The following PIWIL2 variants were observed in gnomAD, a reference collection of about 807,000 sequenced individuals.
PIWIL2 encodes the protein piwi-like protein 2.
PIWIL2 carries 81 observed loss-of-function variants against 116.5 expected under a neutral mutation model. The observed-to-expected ratio is 0.70, with a 90% confidence interval of 0.58 to 0.84. PIWIL2 has a LOEUF of 0.84. Among genes scored for constraint, PIWIL2 ranks in the 40% least tolerant of loss-of-function variants. The pLI, the probability that PIWIL2 is intolerant of heterozygous loss-of-function variation, is 0.00. For synonymous variants in PIWIL2, 489 were observed against 429.5 expected (o/e 1.14, Z -1.71); for missense variants, 1,272 against 1,212.3 (o/e 1.05, Z -0.73).
chr8:22,314,376 C>A lies in PIWIL2; in HGVS notation c.2038C>A (p.Leu680Ile). 6.3e-7 allele frequency: 1 copy of A among 1,583,068 alleles called. No homozygotes were observed. Among genetic ancestry groups the A allele is most frequent in the South Asian group, 1.2e-5 (1 of 85,986 alleles). ...CATCATCATGGGCCCACGTGATGAT[C>A]TCTATGGGGCCATCAAGAAGCTGTG... is the stretch of plus-strand genomic sequence containing the variant. The part of the protein sequence containing the change: ...VCIIMGPRDD[L>I]YGAIKKLCCV... Residue 680 changes from leucine (L) to isoleucine (I), a missense_variant, in exon 17 of 23, where the codon CTC (leucine) becomes ATC (isoleucine). Transcript: ENST00000356766.
intron 20 of PIWIL2, among the ~76,000 whole-genome samples, chr8:22,335,178 C>T (rs1485599058): frequency 1.3e-5 from 2 of 150,680 alleles, no homozygotes; most frequent in African/African-American, 2.5e-5. Context: ...ATACAAAATA[C>T]AGAGTAATGG....
chr8:22,298,262 A>G lies in PIWIL2; in HGVS notation c.1182-5759A>G, dbSNP rs548636650. Among the ~76,000 whole-genome samples, 7 of 150,550 alleles carry G rather than the reference A, an allele frequency of 4.6e-5. No homozygotes were observed. The East Asian group carries it at 1.2e-3, about 25-fold the overall frequency. ...GGCCAATGGAGTGAGACCCTATTTAAAAAAAAAAAAGGATAATGGCAAAAA... is the reference window on the plus strand; with the variant it reads ...GGCCAATGGAGTGAGACCCTATTTAGAAAAAAAAAAGGATAATGGCAAAAA... On this transcript the variant is annotated intron_variant, in intron 10 of 22. Coordinates refer to ENST00000356766, the MANE Select transcript of PIWIL2 (RefSeq NM_018068.5).
intron 20 of PIWIL2, among the ~76,000 whole-genome samples, chr8:22,332,666 A>G (rs1168680382): frequency 6.6e-6 from 1 of 152,146 alleles, no homozygotes; most frequent in African/African-American, 2.4e-5. Flanking sequence ...AGCGTAAGCC[A>G]CAAGATAATA....
chr8:22,277,856 T>G (rs1259570632), intron 1 of PIWIL2, among the ~76,000 whole-genome samples: 1 of 152,192 alleles, frequency 6.6e-6, no homozygotes, highest in East Asian at 1.9e-4. Flanking sequence ...AATTTTATGA[T>G]ATGGCTGTGT....
chr8:22,349,797 G>T (rs563325004), intron 20 of PIWIL2, among the ~76,000 whole-genome samples: 24 of 152,328 alleles, frequency 1.6e-4, no homozygotes, highest in Non-Finnish European at 2.5e-4. Flanking sequence ...GCTGGTAAAT[G>T]GGCATGATTC....
At chr8:22,336,913 G>A (rs1442241384) in intron 20 of PIWIL2, among the ~76,000 whole-genome samples, 2 of 152,076 alleles carry the variant, frequency 1.3e-5, no homozygotes, top group East Asian at 1.9e-4. Flanking sequence ...GAATGAGAGC[G>A]GTAACATTGC....
At chr8:22,296,453 G>A (rs1830909801) in intron 10 of PIWIL2, among the ~76,000 whole-genome samples, 1 of 152,146 alleles carries the variant, frequency 6.6e-6, no homozygotes, top group Admixed American at 6.5e-5. Flanking sequence ...GTATTTTCCA[G>A]AAGAAGTATG....
rs372019613 is a variant in PIWIL2, at chr8:22,318,151, C to G, written c.2298-19C>G. 6.7e-7 allele frequency: 1 copy of G among 1,492,282 alleles called. No individual in the cohort carries two copies. The highest frequency in any genetic ancestry group is 1.4e-5 in the African/African-American group (1 of 72,390). The allele number at this position is 1,492,282 out of a possible 1,614,324, so 92.4% of individuals were successfully genotyped here. A position where few individuals can be genotyped will look rare whatever the true frequency, so the allele number is the denominator to read the frequency against. On this transcript the variant is annotated intron_variant, in intron 19 of 22. Coordinates refer to ENST00000356766, the MANE Select transcript of PIWIL2 (RefSeq NM_018068.5). The stretch of plus-strand genomic sequence containing the variant: ...TGTTCATCTTCCTTTCTCTGTCTCT[C>G]TGCTCACCCTGACCCTAGCACCCTC...
chr8:22,278,840 A>G (rs1267897687), intron 1 of PIWIL2, among the ~76,000 whole-genome samples: 2 of 152,158 alleles, frequency 1.3e-5, no homozygotes, highest in Non-Finnish European at 1.5e-5. Context: ...TGAACTTCGC[A>G]TTGGAGGGAT....
chr8:22,318,363 G>A (rs1831516649), intron 20 of PIWIL2, 88 bp downstream of exon 20: 2 of 727,870 alleles, frequency 2.7e-6, no homozygotes, highest in Admixed American at 2.6e-5. Context: ...TGTCGCCCAG[G>A]TTGGAGTGCA....
At chr8:22,353,763 A>ATTTTT (rs1563438535) in intron 21 of PIWIL2, among the ~76,000 whole-genome samples, 1 of 61,554 alleles carries the variant, frequency 1.6e-5, no homozygotes, top group Non-Finnish European at 3.4e-5. Flanking sequence ...AGTTTCTACC[A>ATTTTT]CTTTTTTTTT....
chr8:22,306,078 G>A (rs2132034027), intron 13 of PIWIL2, 62 bp downstream of exon 13: 1 of 1,201,212 alleles, frequency 8.3e-7, no homozygotes, highest in Non-Finnish European at 1.2e-6. Context: ...TTGGTTAACA[G>A]TTTGAGTTAG....
In PIWIL2 at chr8:22,328,695, G is replaced by A. The variant is rs565173340; in HGVS notation, c.2403+10420G>A. 4.3e-4 allele frequency among the ~76,000 whole-genome samples: 65 copies of A among 151,650 alleles called. 1 individual carries two copies. The highest frequency in any genetic ancestry group is 1.6e-3 in the African/African-American group (65 of 41,386). ...CTATTTTATTCTTTTGGATGCTATT[G>A]TAAATGGAATAGTTTTAATTTCATT... On this transcript the variant is annotated intron_variant, in intron 20 of 22. Transcript: ENST00000356766.
chr8:22,337,329 A>G (rs987826090), intron 20 of PIWIL2, among the ~76,000 whole-genome samples: 1 of 152,212 alleles, frequency 6.6e-6, no homozygotes, highest in African/African-American at 2.4e-5. Context: ...TCAGTATATA[A>G]TAATCAGTTG....
intron 10 of PIWIL2, among the ~76,000 whole-genome samples, chr8:22,297,644 A>G (rs1453728085): frequency 1.3e-5 from 2 of 152,188 alleles, no homozygotes; most frequent in African/African-American, 4.8e-5. Context: ...GATTTACAGT[A>G]TGGGAGAGAG....
chr8:22,308,391 G>A (rs373143481), intron 14 of PIWIL2, among the ~76,000 whole-genome samples: 16 of 152,084 alleles, frequency 1.1e-4, no homozygotes, highest in East Asian at 9.7e-4. Context: ...GGTGGCTCAC[G>A]CCTGTAATCC....
chr8:22,279,079 C>T lies in PIWIL2; in HGVS notation c.-46-262C>T, dbSNP rs142509307. 7.2e-5 allele frequency among the ~76,000 whole-genome samples: 11 copies of T among 152,034 alleles called. No homozygotes were observed. In the East Asian group the frequency reaches 2.1e-3, roughly 29 times the overall value. On this transcript the variant is annotated intron_variant, in intron 1 of 22. Transcript: ENST00000356766. ...TTTGAGTCACTCTGAAACCATCCCC[C>T]CACCCCTGGGTCCATGGAAAAATTA...
chr8:22,283,134 A>T lies in PIWIL2; in HGVS notation c.526A>T (p.Thr176Ser). ...EVDKPPCTFS[T>S]PSRGPPQLSS... The stretch of plus-strand genomic sequence containing the variant: ...GGACAAGCCTCCCTGTACCTTCAGC[A>T]CACCGTCCCGGGGTCCCCCGCAGCT... Residue 176 changes from threonine (T) to serine (S), a missense_variant, in exon 5 of 23, where the codon ACA becomes TCA. Transcript: ENST00000356766. The T allele has an allele frequency of 6.2e-7, 1 of 1,614,136 alleles. No homozygotes were observed. Among genetic ancestry groups the T allele is most frequent in the Non-Finnish European group, 8.5e-7 (1 of 1,180,012 alleles).
chr8:22,339,693 A>G (rs564811273), intron 20 of PIWIL2, among the ~76,000 whole-genome samples: 5 of 152,332 alleles, frequency 3.3e-5, no homozygotes, highest in Non-Finnish European at 7.3e-5. Flanking sequence ...TTAAAAGACA[A>G]CGCATAGAAT....
Sources: allele counts gnomAD v4.1 joint callset (sites outside exome capture counted in the v4.1 genomes callset), GRCh38; gene constraint gnomAD v4.1.1; transcripts MANE v1.5; gene names NCBI Gene and HGNC (gene_info 2026-07-23, HGNC 2026-07-21).